XYLT1: variants seen among roughly 807,000 people sequenced by gnomAD.
XYLT1 encodes the protein xylosyltransferase 1, also known as beta-D-xylosyltransferase 1.
XYLT1 carries 36 observed loss-of-function variants against 91.3 expected under a neutral mutation model. The observed-to-expected ratio is 0.39, with a 90% CI of 0.30 to 0.52. The LOEUF (loss-of-function observed/expected upper bound fraction) is 0.52. Ranked by LOEUF, XYLT1 falls within the 20% of genes least tolerant of loss-of-function variation. The probability of loss-of-function intolerance (pLI) is 0.68; values close to 1 mark genes in which losing one functional copy is unlikely to be tolerated. For missense variants in XYLT1, 1,242 were observed against 1,284.5 expected, an observed-to-expected ratio of 0.97 and a Z score of 0.51; for synonymous variants, 588 against 532.0, an observed-to-expected ratio of 1.11 and a Z score of -1.45.
chr16:17,140,722 C>G (rs1273607934), intron 7 of XYLT1, among the ~76,000 whole-genome samples: 1 of 145,594 alleles, frequency 6.9e-6, no homozygotes, highest in Non-Finnish European at 1.5e-5. Flanking sequence ...AAAGGGTCAG[C>G]ATATACAGTT....
chr16:17,430,924 T>C (rs1288911475), intron 1 of XYLT1, among the ~76,000 whole-genome samples: 1 of 152,038 alleles, frequency 6.6e-6, no homozygotes, highest in Non-Finnish European at 1.5e-5. Flanking sequence ...AAAAAAGAAA[T>C]GTAGAATGAC....
intron 9 of XYLT1, among the ~76,000 whole-genome samples, chr16:17,129,663 TC>T (rs2030398216): frequency 3.9e-5 from 6 of 152,234 alleles, no homozygotes; most frequent in African/African-American, 1.4e-4. Flanking sequence ...GGGAAAGCTG[TC>T]TCCCAACCCA....
chr16:17,272,392 G>C (rs1328690987), intron 2 of XYLT1, among the ~76,000 whole-genome samples: 1 of 151,900 alleles, frequency 6.6e-6, no homozygotes, highest in East Asian at 1.9e-4. Flanking sequence ...TCGAACTCCT[G>C]ACCTCAAGTG....
chr16:17,459,667 C>T (rs981328928), intron 1 of XYLT1, among the ~76,000 whole-genome samples: 1 of 152,166 alleles, frequency 6.6e-6, no homozygotes, highest in Non-Finnish European at 1.5e-5. Flanking sequence ...TGGTTTCCTT[C>T]GCTGCATTTG....
At chr16:17,345,074 C>T (rs1383110374) in intron 2 of XYLT1, among the ~76,000 whole-genome samples, 1 of 152,204 alleles carries the variant, frequency 6.6e-6, no homozygotes, top group Non-Finnish European at 1.5e-5. Context: ...CTTCCTCAGC[C>T]TGTGGGTGGC....
chr16:17,400,641 A>G (rs113305229), intron 1 of XYLT1, among the ~76,000 whole-genome samples: 13 of 79,542 alleles, frequency 1.6e-4, no homozygotes, highest in African/African-American at 5.6e-4. Context: ...GGAAGGAAGG[A>G]AGGAAGGAAG....
chr16:17,221,138 C>T (rs1335844897), intron 3 of XYLT1, among the ~76,000 whole-genome samples: 1 of 152,064 alleles, frequency 6.6e-6, no homozygotes, highest in Non-Finnish European at 1.5e-5. Flanking sequence ...TTGGGGTCCT[C>T]GTCCCTCTCC....
chr16:17,392,738 C>T (rs1475665225), intron 1 of XYLT1, among the ~76,000 whole-genome samples: 1 of 152,120 alleles, frequency 6.6e-6, no homozygotes, highest in African/African-American at 2.4e-5. Flanking sequence ...TGGCCTCCCT[C>T]GCCTTGACAA....
intron 1 of XYLT1, among the ~76,000 whole-genome samples, chr16:17,364,677 C>T (rs752436071): frequency 1.2e-4 from 19 of 152,116 alleles, no homozygotes; most frequent in Non-Finnish European, 2.2e-4. Context: ...ATTCCTGCAA[C>T]GCTGCCAAGG....
Position 17,103,089 on chromosome 16 carries a change from G to A in XYLT1, c.*5606C>T, listed in dbSNP as rs1454212582. 4 of 152,628 alleles carry A rather than the reference G, an allele frequency of 2.6e-5. No individual in the cohort carries two copies. The East Asian group carries it at 7.7e-4, about 29-fold the overall frequency. The allele number at this position is 152,628 out of a possible 1,614,324, so 9.5% of individuals were successfully genotyped here. On this transcript the variant is annotated 3_prime_UTR_variant, in exon 12 of 12. Transcript: ENST00000261381. Reference sequence around the variant, plus strand: ...GAAGGGTAAAGAATAGAGTCTGAAGGTAGGGAAAGGGTGATTCCTTTGAGA... The same window carrying A: ...GAAGGGTAAAGAATAGAGTCTGAAGATAGGGAAAGGGTGATTCCTTTGAGA...
intron 6 of XYLT1, among the ~76,000 whole-genome samples, chr16:17,145,296 T>C (rs1166484714): frequency 2.0e-5 from 3 of 152,236 alleles, no homozygotes; most frequent in Non-Finnish European, 4.4e-5. Flanking sequence ...CTCAGTTTAC[T>C]TGGGTCTGTA....
At chr16:17,364,114 T>C (rs987857012) in intron 1 of XYLT1, among the ~76,000 whole-genome samples, 1 of 152,000 alleles carries the variant, frequency 6.6e-6, no homozygotes, top group African/African-American at 2.4e-5. Flanking sequence ...TTTCAACATA[T>C]GAAATTAGGG....
chr16:17,383,905 G>A (rs778108474), intron 1 of XYLT1, among the ~76,000 whole-genome samples: 2 of 151,644 alleles, frequency 1.3e-5, no homozygotes, highest in Non-Finnish European at 2.9e-5. Flanking sequence ...CCGCCACCAC[G>A]CCTGGCTAAT....
intron 11 of XYLT1, among the ~76,000 whole-genome samples, chr16:17,115,980 T>TAAAA (rs58219672): frequency 1.4e-5 from 1 of 69,138 alleles, no homozygotes; most frequent in African/African-American, 3.9e-5. Context: ...ACTTAGAAAG[T>TAAAA]AAAAAAAAAA....
chr16:17,267,218 AT>A (rs1221074467), intron 2 of XYLT1, among the ~76,000 whole-genome samples: 1 of 152,210 alleles, frequency 6.6e-6, no homozygotes, highest in Non-Finnish European at 1.5e-5. Context: ...CATTTTTCTC[AT>A]CTACAAAAGA....
chr16:17,194,974 A>T (rs1264330810), intron 5 of XYLT1, among the ~76,000 whole-genome samples: 2 of 152,188 alleles, frequency 1.3e-5, no homozygotes, highest in Non-Finnish European at 2.9e-5. Context: ...ACTTCTCCTC[A>T]TTCTTTTATT....
chr16:17,329,679 C>T (rs1311957226), intron 2 of XYLT1, among the ~76,000 whole-genome samples: 1 of 152,174 alleles, frequency 6.6e-6, no homozygotes, highest in Non-Finnish European at 1.5e-5. Context: ...AAACCAGCAA[C>T]CTGTGCCTCC....
intron 5 of XYLT1, among the ~76,000 whole-genome samples, chr16:17,168,013 G>T (rs1312427228): frequency 6.6e-6 from 1 of 152,196 alleles, no homozygotes; most frequent in Non-Finnish European, 1.5e-5. Context: ...GAAAAATCAG[G>T]GAAGTCCAGG....
intron 1 of XYLT1, among the ~76,000 whole-genome samples, chr16:17,448,770 A>C (rs2036627206): frequency 6.6e-6 from 1 of 152,056 alleles, no homozygotes; most frequent in Admixed American, 6.6e-5. Flanking sequence ...GAAGAGGAAG[A>C]GGAGGAGGAA....
Sources: gnomAD v4.1 joint callset for allele counts (sites outside exome capture counted in the v4.1 genomes callset) on GRCh38, gnomAD v4.1.1 for gene constraint, MANE v1.5 for transcripts, NCBI Gene and HGNC (gene_info 2026-07-23, HGNC 2026-07-21) for gene names.